Variants in GMDS observed in about 807,000 individuals in gnomAD.
GMDS encodes GDP-mannose 4,6 dehydratase.
Under a neutral mutation model 49.9 loss-of-function variants are expected in GMDS, and 20 were observed. The observed-to-expected ratio is 0.40, with a 90% CI of 0.28 to 0.58. The LOEUF (loss-of-function observed/expected upper bound fraction) is 0.58. Ranked by LOEUF, GMDS falls within the 20% of genes least tolerant of loss-of-function variation. The pLI, the probability that GMDS is intolerant of heterozygous loss-of-function variation, is 0.42. For synonymous variants in GMDS, 177 were observed against 178.6 expected (o/e 0.99, Z 0.07); for missense variants, 362 against 481.4 (o/e 0.75, Z 2.32).
At chr6:1,775,546 C>A (rs1768764851) in intron 7 of GMDS, among the ~76,000 whole-genome samples, 1 of 152,248 alleles carries the variant, frequency 6.6e-6, no homozygotes, top group Non-Finnish European at 1.5e-5. Flanking sequence ...ACCCACTATA[C>A]TTTGAACCTT....
intron 1 of GMDS, among the ~76,000 whole-genome samples, chr6:2,231,434 C>G (rs1205460560): frequency 6.6e-6 from 1 of 152,022 alleles, no homozygotes; most frequent in Non-Finnish European, 1.5e-5. Context: ...TATGGTAGAA[C>G]CCACCCAAAG....
chr6:1,760,752 T>C (rs182294095), intron 7 of GMDS, among the ~76,000 whole-genome samples: 26 of 152,388 alleles, frequency 1.7e-4, no homozygotes, highest in Non-Finnish European at 3.4e-4. Flanking sequence ...CTCAGTACTC[T>C]GAAAAACATG....
At chr6:1,973,968 G>A (rs1025608823) in intron 4 of GMDS, among the ~76,000 whole-genome samples, 2 of 152,120 alleles carry the variant, frequency 1.3e-5, no homozygotes, top group Non-Finnish European at 2.9e-5. Context: ...TCAGTGTTGG[G>A]AGCCTTCAAT....
chr6:1,729,244 C>G (rs1766703988), intron 8 of GMDS, among the ~76,000 whole-genome samples: 1 of 152,226 alleles, frequency 6.6e-6, no homozygotes, highest in South Asian at 2.1e-4. Context: ...GAAACACTCC[C>G]TCTCTGAGGG....
intron 4 of GMDS, among the ~76,000 whole-genome samples, chr6:2,047,984 T>G (rs1770127590): frequency 6.6e-6 from 1 of 152,190 alleles, no homozygotes; most frequent in African/African-American, 2.4e-5. Flanking sequence ...TCCATAATGC[T>G]ATACCCCTGG....
intron 1 of GMDS, among the ~76,000 whole-genome samples, chr6:2,242,813 A>G (rs1352338742): frequency 2.0e-5 from 3 of 152,198 alleles, no homozygotes; most frequent in Non-Finnish European, 4.4e-5. Context: ...TTAGGTAGGG[A>G]TATACAAAAT....
At chr6:1,834,034 C>T (rs1334403380) in intron 7 of GMDS, among the ~76,000 whole-genome samples, 2 of 151,802 alleles carry the variant, frequency 1.3e-5, no homozygotes, top group Admixed American at 1.3e-4. Context: ...TTAAAATTTA[C>T]AAAAAAATTA....
intron 7 of GMDS, among the ~76,000 whole-genome samples, chr6:1,760,845 C>T (rs1046684190): frequency 6.6e-6 from 1 of 152,156 alleles, no homozygotes; most frequent in Non-Finnish European, 1.5e-5. Context: ...AGTATCTGAG[C>T]TTTGTTCTTT....
At chr6:1,782,202 T>G (rs978231615) in intron 7 of GMDS, among the ~76,000 whole-genome samples, 9 of 152,158 alleles carry the variant, frequency 5.9e-5, no homozygotes, top group Admixed American at 4.6e-4. Context: ...TAGCCCAAAA[T>G]ATATTTCTAG....
At chr6:1,628,903 C>T (rs1291714182) in intron 9 of GMDS, among the ~76,000 whole-genome samples, 1 of 152,132 alleles carries the variant, frequency 6.6e-6, no homozygotes, top group Non-Finnish European at 1.5e-5. Context: ...AGGAATAGCT[C>T]AGGTTCCAAG....
In GMDS at chr6:1,912,904, A is replaced by AAGCCG. The variant is rs1561885115; in HGVS notation, c.771+17198_771+17199insCGGCT. Among the ~76,000 whole-genome samples the AAGCCG allele has an allele frequency of 3.5e-3, 535 of 152,046 alleles. 3 individuals carry two copies. Among genetic ancestry groups the AAGCCG allele is most frequent in the African/African-American group, 0.013 (521 of 41,478 alleles). ...CCAGCTGGGATTCTCTGTGTGTACC[A>AAGCCG]CAAGCCCAAAGCAGCATTACACATT... is the stretch of plus-strand genomic sequence containing the variant. On this transcript the variant is annotated intron_variant, in intron 7 of 10. Coordinates refer to ENST00000380815, the MANE Select transcript of GMDS (RefSeq NM_001500.4).
intron 4 of GMDS, among the ~76,000 whole-genome samples, chr6:2,034,576 G>A (rs1769174586): frequency 6.6e-6 from 1 of 152,092 alleles, no homozygotes; most frequent in Admixed American, 6.5e-5. Flanking sequence ...TGTCAACAAC[G>A]CTGTTATTAA....
chr6:1,950,423 T>C (rs915341765), intron 6 of GMDS, among the ~76,000 whole-genome samples: 1 of 152,184 alleles, frequency 6.6e-6, no homozygotes, highest in African/African-American at 2.4e-5. Flanking sequence ...TTTTGGAGGC[T>C]TGGGAGGGTC....
intron 7 of GMDS, among the ~76,000 whole-genome samples, chr6:1,873,230 C>T (rs1758864357): frequency 6.6e-6 from 1 of 152,220 alleles, no homozygotes; most frequent in Non-Finnish European, 1.5e-5. Flanking sequence ...GTTATCTATA[C>T]CAGTCCTAAA....
In GMDS at chr6:2,191,325, A is replaced by C. The variant is rs1055728945; in HGVS notation, c.102+53996T>G. On this transcript the variant is annotated intron_variant, in intron 1 of 10. Transcript: ENST00000380815. The surrounding 1 kb of genome is among the most constrained non-coding windows in gnomAD (Gnocchi z 4.6). ...GTGCGGGGGCCACGGGGGAGCTCAC[A>C]GTGATGTCCCTGGACACCAGCCCAG... Among the ~76,000 whole-genome samples the C allele has an allele frequency of 1.3e-5, 2 of 152,100 alleles. No individual in the cohort carries two copies. The highest frequency in any genetic ancestry group is 2.9e-5 in the Non-Finnish European group (2 of 67,968).
chr6:2,007,374 C>T (rs868611262), intron 4 of GMDS, among the ~76,000 whole-genome samples: 8 of 151,880 alleles, frequency 5.3e-5, no homozygotes, highest in African/African-American at 1.2e-4. Flanking sequence ...TGTACACTTC[C>T]GGTAAAACAT....
chr6:1,697,069 C>T (rs185207707), intron 9 of GMDS, among the ~76,000 whole-genome samples: 8 of 152,378 alleles, frequency 5.3e-5, no homozygotes, highest in Admixed American at 5.2e-4. Flanking sequence ...AGGAGCCCAA[C>T]AGCCCATGCG....
At chr6:1,729,276 A>G (rs1312361171) in intron 8 of GMDS, among the ~76,000 whole-genome samples, 1 of 152,202 alleles carries the variant, frequency 6.6e-6, no homozygotes, top group Non-Finnish European at 1.5e-5. Flanking sequence ...ACAGCCTGAA[A>G]GTCAGACTTG....
chr6:1,947,892 T>C (rs897292753), intron 6 of GMDS, among the ~76,000 whole-genome samples: 7 of 152,246 alleles, frequency 4.6e-5, no homozygotes, highest in African/African-American at 1.7e-4. Flanking sequence ...TTTAACTTGT[T>C]CAGAGAAAAC....
Sources: allele counts gnomAD v4.1 joint callset (sites outside exome capture counted in the v4.1 genomes callset), GRCh38; gene constraint gnomAD v4.1.1; non-coding constraint Gnocchi (gnomAD v3.1); transcripts MANE v1.5; gene names NCBI Gene and HGNC (gene_info 2026-07-23, HGNC 2026-07-21).